The following FUT9 variants were observed in gnomAD, a reference collection of about 807,000 sequenced individuals.
The protein encoded by FUT9 is 4-galactosyl-N-acetylglucosaminide 3-alpha-L-fucosyltransferase 9.
FUT9 carries 15 observed loss-of-function variants against 29.7 expected under a neutral mutation model. That is an observed-to-expected ratio of 0.51 (90% CI 0.34 to 0.78). FUT9 has a LOEUF of 0.78. Among genes scored for constraint, FUT9 ranks in the 30% least tolerant of loss-of-function variants. The pLI is 0.01. For synonymous variants in FUT9, 169 were observed against 153.7 expected (o/e 1.10, Z -0.74); for missense variants, 319 against 425.4 (o/e 0.75, Z 2.20).
chr6:96,181,083 G>T (rs1773298323), intron 2 of FUT9, among the ~76,000 whole-genome samples: 2 of 152,022 alleles, frequency 1.3e-5, no homozygotes, highest in Admixed American at 6.6e-5. Context: ...GTAAAGGCTA[G>T]AAATTGTTAT....
intron 2 of FUT9, among the ~76,000 whole-genome samples, chr6:96,149,442 GTGAATAA>G (rs1772636611): frequency 6.6e-6 from 1 of 152,148 alleles, no homozygotes; most frequent in South Asian, 2.1e-4. Context: ...GCCCAAATGA[GTGAATAA>G]TTTTAAAACC....
intron 1 of FUT9, among the ~76,000 whole-genome samples, chr6:96,033,265 C>T (rs886123625): frequency 6.6e-6 from 1 of 151,606 alleles, no homozygotes; most frequent in African/African-American, 2.4e-5. Flanking sequence ...TTGACTTTCA[C>T]TGAATAAAGA....
chr6:96,203,554 G>T lies in FUT9; in HGVS notation c.399G>T (p.Trp133Cys). 6.2e-7 allele frequency: 1 copy of T among 1,613,582 alleles called. No homozygotes were observed. Reference sequence around the variant, plus strand: ...GGCCACCCTTCCAGAAATGGATTTGGATGAATTTGGAATCACCAACTCACA... The same window carrying T: ...GGCCACCCTTCCAGAAATGGATTTGTATGAATTTGGAATCACCAACTCACA... ...QARPPFQKWIWMNLESPTHTP... is the reference protein window; with the variant it reads ...QARPPFQKWICMNLESPTHTP... Residue 133 changes from tryptophan to cysteine, a missense_variant, in exon 3 of 3, where the codon TGG becomes TGT. Coordinates refer to ENST00000302103, the MANE Select transcript of FUT9 (RefSeq NM_006581.4).
intron 1 of FUT9, among the ~76,000 whole-genome samples, chr6:96,078,666 C>T (rs1241083296): frequency 1.3e-5 from 2 of 151,672 alleles, no homozygotes; most frequent in Admixed American, 1.3e-4. Flanking sequence ...GTGATGAGCC[C>T]GACTCGGCCT....
chr6:96,092,742 A>T (rs1471481076), intron 1 of FUT9, among the ~76,000 whole-genome samples: 6 of 151,914 alleles, frequency 3.9e-5, no homozygotes. Flanking sequence ...AAATTCCGTC[A>T]TTTTTCTTTA....
At chr6:96,096,739 C>T (rs1052670838) in intron 1 of FUT9, among the ~76,000 whole-genome samples, 2 of 140,914 alleles carry the variant, frequency 1.4e-5, no homozygotes, top group Non-Finnish European at 3.1e-5. Context: ...TTAAAATTCA[C>T]CTTCCCAAGG....
chr6:96,111,460 G>A (rs959480143), intron 1 of FUT9, among the ~76,000 whole-genome samples: 8 of 151,142 alleles, frequency 5.3e-5, no homozygotes, highest in Non-Finnish European at 1.0e-4. Context: ...ATCAACAAAA[G>A]TAATCAAAAG....
At chr6:96,049,396 A>G (rs1293730380) in intron 1 of FUT9, among the ~76,000 whole-genome samples, 1 of 152,210 alleles carries the variant, frequency 6.6e-6, no homozygotes, top group Non-Finnish European at 1.5e-5. Flanking sequence ...AGAAGACTAA[A>G]AACATTTATA....
At chr6:96,105,447 T>C (rs1372205632) in intron 1 of FUT9, among the ~76,000 whole-genome samples, 5 of 152,180 alleles carry the variant, frequency 3.3e-5, no homozygotes, top group Non-Finnish European at 7.4e-5. Flanking sequence ...AAAATAAAAA[T>C]CATATTATTC....
At chr6:96,161,305 A>C (rs1371739646) in intron 2 of FUT9, among the ~76,000 whole-genome samples, 2 of 152,246 alleles carry the variant, frequency 1.3e-5, no homozygotes, top group East Asian at 3.9e-4. Context: ...GGCCCCTTCC[A>C]CCATGAGCCG....
chr6:96,088,261 T>A (rs548090818), intron 1 of FUT9, among the ~76,000 whole-genome samples: 1 of 152,024 alleles, frequency 6.6e-6, no homozygotes, highest in East Asian at 1.9e-4. Context: ...AATATAAATA[T>A]AAAATAAAAA....
chr6:96,109,802 T>G (rs1771763018), intron 1 of FUT9, among the ~76,000 whole-genome samples: 1 of 152,116 alleles, frequency 6.6e-6, no homozygotes, highest in East Asian at 1.9e-4. Context: ...AGCCAAAACC[T>G]TCTCGTATCC....
chr6:96,204,771 T>A lies in FUT9; in HGVS notation c.*536T>A, dbSNP rs1348949660. The A allele has an allele frequency of 6.0e-6, 1 of 166,828 alleles. No homozygotes were observed. The highest frequency in any genetic ancestry group is 2.4e-5 in the African/African-American group (1 of 41,460). The allele number at this position is 166,828 out of a possible 1,614,324, so 10.3% of individuals were successfully genotyped here. A position where few individuals can be genotyped will look rare whatever the true frequency, so the allele number is the denominator to read the frequency against. ...TTTTTTTACCTGTTTATCACATTTGTGAAGGTGAAATTATTCATGGAGTGA... is the reference window on the plus strand; with the variant it reads ...TTTTTTTACCTGTTTATCACATTTGAGAAGGTGAAATTATTCATGGAGTGA... On this transcript the variant is annotated 3_prime_UTR_variant, in exon 3 of 3. Transcript: ENST00000302103.
At chr6:96,019,282 G>A (rs1182430879) in intron 1 of FUT9, among the ~76,000 whole-genome samples, 2 of 151,784 alleles carry the variant, frequency 1.3e-5, no homozygotes, top group South Asian at 2.1e-4. Context: ...GAAGGCAAGA[G>A]GATTCAGTCA....
chr6:96,135,584 A>T lies in FUT9; in HGVS notation c.-9+21457A>T, dbSNP rs116414105. Among the ~76,000 whole-genome samples, 954 of 152,070 alleles carry T rather than the reference A, an allele frequency of 6.3e-3. 16 individuals carry two copies. The highest frequency in any genetic ancestry group is 0.022 in the African/African-American group (916 of 41,554). The stretch of plus-strand genomic sequence containing the variant: ...TAATAATATTATGGATGCTAAGTAT[A>T]CTGCATAAAGACATGCACAGCAAAT... On this transcript the variant is annotated intron_variant, in intron 2 of 2. Coordinates refer to ENST00000302103, the MANE Select transcript of FUT9 (RefSeq NM_006581.4).
At chr6:96,082,813 T>G (rs1432469297) in intron 1 of FUT9, among the ~76,000 whole-genome samples, 1 of 152,010 alleles carries the variant, frequency 6.6e-6, no homozygotes, top group Non-Finnish European at 1.5e-5. Flanking sequence ...ACTGGGGATT[T>G]CTTTAATGTC....
chr6:96,043,543 C>A (rs1021431006), intron 1 of FUT9, among the ~76,000 whole-genome samples: 2 of 152,090 alleles, frequency 1.3e-5, no homozygotes, highest in African/African-American at 4.8e-5. Flanking sequence ...TATAAAATCC[C>A]CAAATCTGAG....
chr6:96,070,375 T>G (rs1035423670), intron 1 of FUT9, among the ~76,000 whole-genome samples: 7 of 152,230 alleles, frequency 4.6e-5, no homozygotes, highest in African/African-American at 1.4e-4. Flanking sequence ...AAGTTAACTA[T>G]GGCAAACCAT....
chr6:96,052,727 GACTAC>G (rs1239886334), intron 1 of FUT9, among the ~76,000 whole-genome samples: 11 of 151,984 alleles, frequency 7.2e-5, no homozygotes, highest in African/African-American at 2.7e-4. Flanking sequence ...TTGGGGAAAT[GACTAC>G]ACTATAATTA....
Sources: allele counts gnomAD v4.1 joint callset (sites outside exome capture counted in the v4.1 genomes callset), GRCh38; gene constraint gnomAD v4.1.1; transcripts MANE v1.5; gene names NCBI Gene and HGNC (gene_info 2026-07-23, HGNC 2026-07-21).